FREM2: variants seen among roughly 807,000 people sequenced by gnomAD.
The protein encoded by FREM2 is FRAS1 related extracellular matrix 2, also known as FRAS1-related extracellular matrix protein 2.
A neutral mutation model predicts 219.9 loss-of-function variants in FREM2; 119 were observed. The observed-to-expected ratio is 0.54, with a 90% confidence interval of 0.47 to 0.63. The LOEUF is 0.63. Ranked by LOEUF, FREM2 falls within the 30% of genes least tolerant of loss-of-function variation. The pLI is 0.00. For synonymous variants in FREM2, 1,562 were observed against 1,522.8 expected, an observed-to-expected ratio of 1.03 and a Z score of -0.60; for missense variants, 4,030 against 3,993.6, an observed-to-expected ratio of 1.01 and a Z score of -0.25.
intron 2 of FREM2, among the ~76,000 whole-genome samples, chr13:38,734,738 C>CTT (rs11314517): frequency 0.027 from 2,405 of 89,376 alleles, 286 homozygotes; most frequent in Admixed American, 0.051. Flanking sequence ...CAGTGCTATA[C>CTT]TTTTTTTTTT....
At chr13:38,875,797 G>A (rs1474124647) in intron 18 of FREM2, among the ~76,000 whole-genome samples, 1 of 152,190 alleles carries the variant, frequency 6.6e-6, no homozygotes, top group Non-Finnish European at 1.5e-5. Context: ...GAATCAGAAA[G>A]TCACATCCTA....
chr13:38,880,948 C>G lies in FREM2; in HGVS notation c.*161C>G, dbSNP rs1161434592. On this transcript the variant is annotated 3_prime_UTR_variant, in exon 24 of 24. Coordinates refer to ENST00000280481, the MANE Select transcript of FREM2 (RefSeq NM_207361.6). ...TGGAGTTTGATTTGAATTCTCCATA[C>G]TCTTTTTTGCATCAAAGGACAAATT... The G allele has an allele frequency of 2.2e-6, 2 of 894,622 alleles. No homozygotes were observed. Among genetic ancestry groups the G allele is most frequent in the East Asian group, 2.6e-5 (1 of 37,814 alleles). 55.4% of individuals were successfully genotyped at this position (894,622 alleles called of 1,614,324 possible).
Position 38,736,347 on chromosome 13 carries a change from G to C in FREM2, c.5264-27957G>C, listed in dbSNP as rs114649932. 3.4e-3 allele frequency among the ~76,000 whole-genome samples: 525 copies of C among 152,234 alleles called. 1 individual carries two copies. The highest frequency in any genetic ancestry group is 0.012 in the African/African-American group (494 of 41,552). ...TGGTAATTGTGGCTGAGAGGCTTACGTATGAAGGGAACTTGTTTAAAAGTG... is the reference window on the plus strand; with the variant it reads ...TGGTAATTGTGGCTGAGAGGCTTACCTATGAAGGGAACTTGTTTAAAAGTG... On this transcript the variant is annotated intron_variant, in intron 2 of 23. Transcript: ENST00000280481.
rs7329939 is a variant in FREM2 at position 38,689,946 on chromosome 13, C to G, written c.2602C>G (p.Leu868Val). The change falls in exon 1 of 24, where the codon CTC (leucine) becomes GTC (valine). Residue 868 changes from leucine (L) to valine (V), a missense_variant. Leu to Val is a conservative substitution (Grantham distance 32). Coordinates refer to ENST00000280481, the MANE Select transcript of FREM2 (RefSeq NM_207361.6). ...TGATGTTGCCCATATCTCTTTCACTCTCACTCAGGCACCCAAACATGGCCA... is the reference window on the plus strand; with the variant it reads ...TGATGTTGCCCATATCTCTTTCACTGTCACTCAGGCACCCAAACATGGCCA... ...DTDVAHISFT[L>V]TQAPKHGHMR... 26,933 of 1,614,096 alleles carry G rather than the reference C, an allele frequency of 0.017. 1,427 individuals are homozygous for G. The African/African-American group carries it at 0.18, about 11-fold the overall frequency.
chr13:38,797,658 G>A (rs1874845327), intron 6 of FREM2, among the ~76,000 whole-genome samples: 1 of 151,910 alleles, frequency 6.6e-6, no homozygotes, highest in Non-Finnish European at 1.5e-5. Context: ...TGCTTTTGAA[G>A]TTTTAGCTGT....
chr13:38,689,384 T>A lies in FREM2; in HGVS notation c.2040T>A (p.Pro680=). The A allele has an allele frequency of 6.2e-7, 1 of 1,613,994 alleles. No homozygotes were observed. The highest frequency in any genetic ancestry group is 1.1e-5 in the South Asian group (1 of 91,070). ...TTAGAGTCCAGGATAACCATGACCCTCCTAATCAGTCCGGGCTACAGCGGT... is the reference window on the plus strand; with the variant it reads ...TTAGAGTCCAGGATAACCATGACCCACCTAATCAGTCCGGGCTACAGCGGT... ...FTFRVQDNHD[P]PNQSGLQRFV... The change falls in exon 1 of 24, where the codon CCT becomes CCA. Residue 680 remains proline, a synonymous_variant. Transcript: ENST00000280481.
At chr13:38,704,122 A>G (rs1472357368) in intron 2 of FREM2, among the ~76,000 whole-genome samples, 1 of 152,176 alleles carries the variant, frequency 6.6e-6, no homozygotes, top group Admixed American at 6.6e-5. Flanking sequence ...CCAGAATGCA[A>G]TGTAAAAGAA....
At chr13:38,770,417 CTGT>C (rs1593396414) in intron 4 of FREM2, among the ~76,000 whole-genome samples, 2 of 151,890 alleles carry the variant, frequency 1.3e-5, no homozygotes, top group East Asian at 3.9e-4. Context: ...CATGTTCTTC[CTGT>C]TATTATAATT....
intron 6 of FREM2, among the ~76,000 whole-genome samples, chr13:38,796,965 C>T (rs544294099): frequency 1.3e-5 from 2 of 152,114 alleles, no homozygotes; most frequent in South Asian, 4.1e-4. Flanking sequence ...CAGCCTTGAA[C>T]TCTTGGATTC....
At chr13:38,788,134 T>C (rs562621126) in intron 6 of FREM2, among the ~76,000 whole-genome samples, 22 of 152,262 alleles carry the variant, frequency 1.4e-4, no homozygotes, top group Admixed American at 7.2e-4. Flanking sequence ...TTACAGTTAC[T>C]TGAAATAGCA....
Position 38,688,941 on chromosome 13 carries a change from G to C in FREM2, c.1597G>C (p.Val533Leu). Residue 533 changes from valine (V) to leucine (L), a missense_variant, in exon 1 of 24, where the codon GTG becomes CTG. Coordinates refer to ENST00000280481, the MANE Select transcript of FREM2 (RefSeq NM_207361.6). ...DRDGSLSDNL[V>L]LRMVDGGGRH... The stretch of plus-strand genomic sequence containing the variant: ...AGACGGCTCGCTGAGCGACAACCTG[G>C]TGCTTCGCATGGTGGATGGAGGAGG... 1.2e-6 allele frequency: 2 copies of C among 1,613,114 alleles called. No homozygotes were observed. Among genetic ancestry groups the C allele is most frequent in the South Asian group, 1.1e-5 (1 of 90,960 alleles).
chr13:38,735,028 G>A (rs981015311), intron 2 of FREM2, among the ~76,000 whole-genome samples: 6 of 152,296 alleles, frequency 3.9e-5, no homozygotes, highest in African/African-American at 1.4e-4. Flanking sequence ...TTACAGGCGT[G>A]AGCCACTGCG....
intron 6 of FREM2, among the ~76,000 whole-genome samples, chr13:38,819,157 G>C (rs569679902): frequency 6.6e-6 from 1 of 152,212 alleles, no homozygotes; most frequent in Admixed American, 6.5e-5. Flanking sequence ...GACTCAACCT[G>C]TTATGGCCAG....
At chr13:38,716,481 A>C (rs1871006192) in intron 2 of FREM2, among the ~76,000 whole-genome samples, 1 of 150,646 alleles carries the variant, frequency 6.6e-6, no homozygotes, top group East Asian at 2.0e-4. Flanking sequence ...ACCTACCTCC[A>C]CCTTGTTGGC....
chr13:38,787,593 A>C (rs1308376478), intron 6 of FREM2, among the ~76,000 whole-genome samples: 1 of 152,060 alleles, frequency 6.6e-6, no homozygotes, highest in African/African-American at 2.4e-5. Context: ...AAAGCCAGTA[A>C]TGCTCTAAAA....
chr13:38,831,429 A>G (rs933638384), intron 6 of FREM2, among the ~76,000 whole-genome samples: 2 of 152,150 alleles, frequency 1.3e-5, no homozygotes, highest in African/African-American at 2.4e-5. Context: ...AAGACTCACT[A>G]TGTATTTTCA....
chr13:38,864,224 A>C, intron 15 of FREM2, 51 bp from the exon 16 acceptor site: 2 of 1,446,876 alleles, frequency 1.4e-6, no homozygotes, highest in South Asian at 1.1e-5. Flanking sequence ...AAAGTGTTCA[A>C]AATTCTTGGC....
chr13:38,818,343 A>G (rs932288311), intron 6 of FREM2, among the ~76,000 whole-genome samples: 10 of 152,234 alleles, frequency 6.6e-5, no homozygotes, highest in African/African-American at 2.2e-4. Flanking sequence ...ACAGAATACT[A>G]TACAGTCATA....
At chr13:38,793,512 T>C (rs2137841187) in intron 6 of FREM2, among the ~76,000 whole-genome samples, 1 of 152,230 alleles carries the variant, frequency 6.6e-6, no homozygotes, top group Admixed American at 6.5e-5. Context: ...AATGAGTGAA[T>C]AACAAGAGTT....
Sources: gnomAD v4.1 joint callset for allele counts (sites outside exome capture counted in the v4.1 genomes callset) on GRCh38, gnomAD v4.1.1 for gene constraint, MANE v1.5 for transcripts, NCBI Gene and HGNC (gene_info 2026-07-23, HGNC 2026-07-21) for gene names.